Variants in CNTNAP2 observed in about 807,000 individuals in gnomAD.
The protein encoded by CNTNAP2 is contactin associated protein 2, also known as contactin-associated protein-like 2.
Under a neutral mutation model 155.2 loss-of-function variants are expected in CNTNAP2, and 98 were observed. The ratio of observed to expected loss-of-function variants is 0.63; its 90% confidence interval spans 0.54 to 0.75. The LOEUF (loss-of-function observed/expected upper bound fraction) is 0.75. Ranked by LOEUF, CNTNAP2 falls within the 30% of genes least tolerant of loss-of-function variation. The pLI, the probability that CNTNAP2 is intolerant of heterozygous loss-of-function variation, is 0.00. For synonymous variants in CNTNAP2, 651 were observed against 631.2 expected (o/e 1.03, Z -0.47); for missense variants, 1,727 against 1,688.1 (o/e 1.02, Z -0.40).
At chr7:146,687,809 C>G (rs1471868273) in intron 1 of CNTNAP2, among the ~76,000 whole-genome samples, 1 of 152,170 alleles carries the variant, frequency 6.6e-6, no homozygotes, top group South Asian at 2.1e-4. Flanking sequence ...ACTTTCTTTG[C>G]TTTTGCAAGA....
At chr7:148,323,835 G>A (rs945716489) in intron 21 of CNTNAP2, among the ~76,000 whole-genome samples, 1 of 151,488 alleles carries the variant, frequency 6.6e-6, no homozygotes, top group Non-Finnish European at 1.5e-5. Flanking sequence ...CAACCTTTCC[G>A]GCCTGCCTGT....
intron 4 of CNTNAP2, among the ~76,000 whole-genome samples, chr7:147,045,322 TA>T (rs1799336704): frequency 6.6e-6 from 1 of 152,174 alleles, no homozygotes; most frequent in African/African-American, 2.4e-5. Context: ...AGACACTTAG[TA>T]TTTTATATAA....
intron 1 of CNTNAP2, among the ~76,000 whole-genome samples, chr7:146,599,174 A>G (rs1798908439): frequency 6.6e-6 from 1 of 152,020 alleles, no homozygotes; most frequent in Admixed American, 6.6e-5. Flanking sequence ...CTCTTACCTA[A>G]ATTATTGCAA....
chr7:147,050,049 C>T (rs2129258059), intron 4 of CNTNAP2, among the ~76,000 whole-genome samples: 1 of 152,300 alleles, frequency 6.6e-6, no homozygotes, highest in East Asian at 1.9e-4. Context: ...TAAATCTAAA[C>T]TCATTTGAAA....
intron 8 of CNTNAP2, among the ~76,000 whole-genome samples, chr7:147,269,220 T>C (rs1051905376): frequency 1.3e-5 from 2 of 152,190 alleles, no homozygotes; most frequent in Non-Finnish European, 2.9e-5. Context: ...GACCATAAGA[T>C]ATTTCAAAAT....
At chr7:146,467,577 C>G (rs965331487) in intron 1 of CNTNAP2, among the ~76,000 whole-genome samples, 13 of 152,056 alleles carry the variant, frequency 8.5e-5, no homozygotes, top group African/African-American at 3.1e-4. Flanking sequence ...AAAGTGCATC[C>G]TTAGATTAAA....
chr7:147,498,859 T>A (rs1030046129), intron 11 of CNTNAP2, among the ~76,000 whole-genome samples: 2 of 152,120 alleles, frequency 1.3e-5, no homozygotes, highest in African/African-American at 2.4e-5. Context: ...TAAATGAATA[T>A]CAGGTAGTAA....
intron 16 of CNTNAP2, among the ~76,000 whole-genome samples, chr7:148,121,534 C>T (rs1804594770): frequency 6.6e-6 from 1 of 152,120 alleles, no homozygotes; most frequent in South Asian, 2.1e-4. Context: ...TATGTTTTTC[C>T]CATTTAGCTT....
At chr7:147,129,778 G>A (rs555782908) in intron 7 of CNTNAP2, among the ~76,000 whole-genome samples, 1 of 152,232 alleles carries the variant, frequency 6.6e-6, no homozygotes, top group African/African-American at 2.4e-5. Flanking sequence ...TGAATAAACA[G>A]TTCAGGTTGA....
At chr7:147,472,385 G>A (rs1319718450) in intron 10 of CNTNAP2, among the ~76,000 whole-genome samples, 1 of 151,652 alleles carries the variant, frequency 6.6e-6, no homozygotes, top group Non-Finnish European at 1.5e-5. Context: ...GCTAATTTTT[G>A]TATTTTTAGT....
At chr7:147,650,064 C>T (rs1795426802) in intron 13 of CNTNAP2, among the ~76,000 whole-genome samples, 1 of 152,052 alleles carries the variant, frequency 6.6e-6, no homozygotes, top group Non-Finnish European at 1.5e-5. Context: ...TTTCTACTGA[C>T]ATTAAATCGT....
intron 3 of CNTNAP2, among the ~76,000 whole-genome samples, chr7:146,861,722 C>T (rs1795105273): frequency 6.6e-6 from 1 of 152,156 alleles, no homozygotes; most frequent in African/African-American, 2.4e-5. Flanking sequence ...TGATTTTCTT[C>T]ATCAGCCTTG....
chr7:147,987,014 T>C (rs1454639819), intron 15 of CNTNAP2, among the ~76,000 whole-genome samples: 1 of 152,014 alleles, frequency 6.6e-6, no homozygotes, highest in Non-Finnish European at 1.5e-5. Context: ...TTTTTCTTAA[T>C]GTCCCAGCCT....
chr7:147,970,357 C>T (rs1801312376), intron 14 of CNTNAP2, among the ~76,000 whole-genome samples: 1 of 152,094 alleles, frequency 6.6e-6, no homozygotes, highest in Non-Finnish European at 1.5e-5. Flanking sequence ...TACCTTTTGA[C>T]CTACTTTTTC....
chr7:146,295,512 A>G (rs1800499616), intron 1 of CNTNAP2, among the ~76,000 whole-genome samples: 1 of 152,178 alleles, frequency 6.6e-6, no homozygotes, highest in African/African-American at 2.4e-5. Flanking sequence ...CAAATTTTTA[A>G]GAGATAAAAC....
chr7:147,203,504 T>A (rs1802961541), intron 8 of CNTNAP2, among the ~76,000 whole-genome samples: 1 of 152,200 alleles, frequency 6.6e-6, no homozygotes, highest in Non-Finnish European at 1.5e-5. Flanking sequence ...AGTGCTGGGA[T>A]TACAGGCATG....
chr7:147,788,389 GGCTTGAAT>G (rs1797768693), intron 13 of CNTNAP2, among the ~76,000 whole-genome samples: 1 of 152,122 alleles, frequency 6.6e-6, no homozygotes, highest in African/African-American at 2.4e-5. Context: ...AGTGGGGTGT[GGCTTGAAT>G]GCTTGAATGT....
chr7:147,332,511 A>T (rs1222300585), intron 9 of CNTNAP2, among the ~76,000 whole-genome samples: 1 of 152,156 alleles, frequency 6.6e-6, no homozygotes, highest in East Asian at 1.9e-4. Context: ...ACTGTTTAGC[A>T]GGGCCTCCTG....
chr7:147,765,546 C>T (rs1424403014), intron 13 of CNTNAP2, among the ~76,000 whole-genome samples: 1 of 152,098 alleles, frequency 6.6e-6, no homozygotes, highest in Non-Finnish European at 1.5e-5. Context: ...CATGATGCAT[C>T]CCAGAATGCC....
Sources: allele counts gnomAD v4.1 joint callset (sites outside exome capture counted in the v4.1 genomes callset), GRCh38; gene constraint gnomAD v4.1.1; transcripts MANE v1.5; gene names NCBI Gene and HGNC (gene_info 2026-07-23, HGNC 2026-07-21).